Variants in MYO19 observed in about 807,000 individuals in gnomAD.
The protein encoded by MYO19 is unconventional myosin-XIX.
Under a neutral mutation model 129.2 loss-of-function variants are expected in MYO19, and 132 were observed. The observed-to-expected ratio is 1.02, with a 90% CI of 0.89 to 1.18. MYO19 has a LOEUF of 1.18. Ranked by LOEUF, MYO19 falls within the 50% of genes most tolerant of loss-of-function variation. MYO19 has a pLI of 0.00. For synonymous variants in MYO19, 531 were observed against 477.2 expected (o/e 1.11, Z -1.47); for missense variants, 1,210 against 1,216.7 (o/e 0.99, Z 0.08).
chr17:36,507,667 A>G, intron 15 of MYO19, 136 bp downstream of exon 15: 1 of 1,261,512 alleles, frequency 7.9e-7, no homozygotes, highest in Non-Finnish European at 1.1e-6. Context: ...CATATGTGCA[A>G]TTATTATTTG....
chr17:36,515,666 G>A (rs1433640478), intron 7 of MYO19, among the ~76,000 whole-genome samples, 192 bp downstream of exon 7: 1 of 152,226 alleles, frequency 6.6e-6, no homozygotes, highest in Non-Finnish European at 1.5e-5. Context: ...GAAGAGGACT[G>A]AATGACATGA....
At position 36,531,146 on chromosome 17, in the gene MYO19, G is replaced by A. The variant is rs187967659; in HGVS notation, c.12+1381C>T. On this transcript the variant is annotated intron_variant, in intron 3 of 25. Coordinates refer to ENST00000614623, the MANE Select transcript of MYO19 (RefSeq NM_001163735.2). ...GCGGTGGCTCACGCCTGTAGTCCCA[G>A]CACTTTGGGAGGCCGAGGTGGGTGG... Among the ~76,000 whole-genome samples the A allele has an allele frequency of 2.0e-3, 308 of 152,136 alleles. 1 individual carries two copies. Among genetic ancestry groups the A allele is most frequent in the African/African-American group, 7.2e-3 (301 of 41,536 alleles).
Position 36,496,346 on chromosome 17 carries a change from G to T in MYO19, c.2818C>A (p.Pro940Thr). ...PLRYADICPE[P>T]SPYSITGFNQ... ...AAGCCTGTAATGCTGTAGGGTGAAG[G>T]TTCAGGGCAGATGTCAGCATACCGC... The change falls in exon 26 of 26, where the codon CCT becomes ACT. Residue 940 changes from proline to threonine, a missense_variant. Pro to Thr is a conservative substitution (Grantham distance 38). Coordinates refer to ENST00000614623, the MANE Select transcript of MYO19 (RefSeq NM_001163735.2). 1 of 1,614,006 alleles carries T rather than the reference G, an allele frequency of 6.2e-7. No individual in the cohort carries two copies. The highest frequency in any genetic ancestry group is 1.1e-5 in the South Asian group (1 of 91,088).
At chr17:36,538,349 A>T (rs770659185), upstream of MYO19, 1 of 1,614,150 alleles carries the variant, frequency 6.2e-7, no homozygotes, top group South Asian at 1.1e-5. Context: ...TTATCCAGTC[A>T]CCTGTTACAA....
Position 36,496,060 on chromosome 17 carries a change from T to C in MYO19, c.*191A>G. The C allele has an allele frequency of 1.2e-6, 1 of 856,438 alleles. No individual in the cohort carries two copies. Among genetic ancestry groups the C allele is most frequent in the South Asian group, 1.8e-5 (1 of 55,606 alleles). 53.1% of individuals were successfully genotyped at this position (856,438 alleles called of 1,614,324 possible). On this transcript the variant is annotated 3_prime_UTR_variant, in exon 26 of 26. Transcript: ENST00000614623. The stretch of plus-strand genomic sequence containing the variant: ...CTACCAGCCCTGACACCATCAGTGC[T>C]TGATGTAGCCTGGAACCCCAGGCCC...
chr17:36,535,942 T>G (rs2074107068), upstream of MYO19, among the ~76,000 whole-genome samples: 1 of 152,202 alleles, frequency 6.6e-6, no homozygotes, highest in African/African-American at 2.4e-5. Flanking sequence ...GTCAACTGAT[T>G]TGAGTTGGTT....
Position 36,530,753 on chromosome 17 carries a change from T to C in MYO19, c.12+1774A>G, listed in dbSNP as rs190665384. 1.3e-3 allele frequency among the ~76,000 whole-genome samples: 191 copies of C among 152,144 alleles called. 1 individual carries two copies. Among genetic ancestry groups the C allele is most frequent in the Non-Finnish European group, 2.4e-4 (16 of 68,020 alleles). ...CTCATGCCTCAGCCACCCAAGTAACTGGGATCACAGGCATGCACCACCATA... is the reference window on the plus strand; with the variant it reads ...CTCATGCCTCAGCCACCCAAGTAACCGGGATCACAGGCATGCACCACCATA... On this transcript the variant is annotated intron_variant, in intron 3 of 25. Transcript: ENST00000614623.
chr17:36,510,611 G>T, intron 13 of MYO19, 135 bp downstream of exon 13: 1 of 953,742 alleles, frequency 1.0e-6, no homozygotes, highest in Non-Finnish European at 1.5e-6. Context: ...GGTTTGAGGA[G>T]CAGGGAGAGG....
intron 6 of MYO19, among the ~76,000 whole-genome samples, chr17:36,519,354 T>C (rs1231352008): frequency 1.3e-5 from 2 of 152,250 alleles, no homozygotes; most frequent in Non-Finnish European, 2.9e-5. Flanking sequence ...GCAACATTGC[T>C]TGTTCTAATG....
intron 11 of MYO19, among the ~76,000 whole-genome samples, chr17:36,511,819 T>C (rs2072351010): frequency 6.6e-6 from 1 of 152,120 alleles, no homozygotes; most frequent in Non-Finnish European, 1.5e-5. Flanking sequence ...TCTCTAGGAA[T>C]AGACTGGTGA....
chr17:36,540,522 C>T (rs1008122264), intron 2 of MYO19, among the ~76,000 whole-genome samples: 5 of 152,066 alleles, frequency 3.3e-5, no homozygotes, highest in African/African-American at 1.2e-4. Flanking sequence ...AGGCACACGC[C>T]ACTTCGCCTG....
chr17:36,503,183 A>G lies in MYO19; in HGVS notation c.1994T>C (p.Phe665Ser). 1.2e-6 allele frequency: 2 copies of G among 1,614,004 alleles called. No homozygotes were observed. Among genetic ancestry groups the G allele is most frequent in the African/African-American group, 1.3e-5 (1 of 75,040 alleles). Residue 665 changes from phenylalanine (F) to serine (S), a missense_variant, in exon 21 of 26, where the codon TTT (phenylalanine) becomes TCT (serine). Coordinates refer to ENST00000614623, the MANE Select transcript of MYO19 (RefSeq NM_001163735.2). ...GFPIRVSHRN[F>S]VERYKLLRRL... ...TCTTAGTAACTTGTATCGTTCTACA[A>G]AGTTTCGGTGAGAGACCCTGGAGGC...
chr17:36,509,005 T>A, intron 14 of MYO19, 57 bp downstream of exon 14: 1 of 1,505,998 alleles, frequency 6.6e-7, no homozygotes, highest in South Asian at 1.2e-5. Flanking sequence ...TGCCTCTCCA[T>A]CCAGGGCTTT....
upstream of MYO19, chr17:36,537,764 A>G: frequency 1.9e-6 from 3 of 1,614,188 alleles, no homozygotes; most frequent in Admixed American, 1.7e-5. Context: ...CCATTATAAA[A>G]TCAATAGGCT....
At chr17:36,525,032 G>C (rs143323605) in intron 6 of MYO19, among the ~76,000 whole-genome samples, 196 bp downstream of exon 6, 1 of 152,286 alleles carries the variant, frequency 6.6e-6, no homozygotes, top group Non-Finnish European at 1.5e-5. Context: ...TTGCAGTAGA[G>C]CCTGGACTGG....
intron 17 of MYO19, 47 bp from the exon 18 acceptor site, chr17:36,506,655 G>C: frequency 1.3e-6 from 2 of 1,506,720 alleles, no homozygotes; most frequent in East Asian, 2.3e-5. Context: ...TGGAGCTTCT[G>C]CTCAGGGCCA....
At chr17:36,536,452 C>T (rs2074125260), upstream of MYO19, among the ~76,000 whole-genome samples, 2 of 152,102 alleles carry the variant, frequency 1.3e-5, no homozygotes, top group South Asian at 4.1e-4. Context: ...ATAGAAATTC[C>T]CATCTGCCTA....
At chr17:36,500,620 CTT>C (rs1199671178) in intron 23 of MYO19, 5 of 639,706 alleles carry the variant, frequency 7.8e-6, no homozygotes, top group South Asian at 5.2e-5. Flanking sequence ...TACAGAGCAC[CTT>C]TGTTTGTGGA....
Position 36,501,238 on chromosome 17 carries a change from G to C in MYO19, c.2081-3C>G. 1 of 1,607,362 alleles carries C rather than the reference G, an allele frequency of 6.2e-7. No homozygotes were observed. Among genetic ancestry groups the C allele is most frequent in the Non-Finnish European group, 8.5e-7 (1 of 1,176,018 alleles). ...TTCCTCGCTGTGTGGACACCATTCT[G>C]GGGGAGGGAGATGGCCCCATCAGTG... On this transcript the variant is annotated splice_region_variant and splice_polypyrimidine_tract_variant and intron_variant, in intron 21 of 25. Transcript: ENST00000614623.
Sources: allele counts gnomAD v4.1 joint callset (sites outside exome capture counted in the v4.1 genomes callset), GRCh38; gene constraint gnomAD v4.1.1; transcripts MANE v1.5; gene names NCBI Gene and HGNC (gene_info 2026-07-23, HGNC 2026-07-21).